Variants in CCDC7 observed in about 807,000 individuals in gnomAD.
CCDC7 encodes coiled-coil domain-containing protein 7.
CCDC7 carries 183 observed loss-of-function variants against 196.9 expected under a neutral mutation model. The observed-to-expected ratio is 0.93, with a 90% CI of 0.82 to 1.05. CCDC7 has a LOEUF of 1.05. CCDC7 is among the 50% of genes least tolerant of loss of function. CCDC7 has a pLI of 0.00. For missense variants in CCDC7, 1,540 were observed against 1,482.2 expected (o/e 1.04, Z -0.64); for synonymous variants, 525 against 484.6 (o/e 1.08, Z -1.10).
chr10:32,516,046 T>C (rs966186662), intron 9 of CCDC7, among the ~76,000 whole-genome samples: 1 of 151,916 alleles, frequency 6.6e-6, no homozygotes, highest in Non-Finnish European at 1.5e-5. Context: ...ACTCTTGTGC[T>C]GCAAATGATA....
At chr10:32,689,271 A>G (rs578138890) in intron 23 of CCDC7, 108 bp downstream of exon 24, 6 of 662,508 alleles carry the variant, frequency 9.1e-6, no homozygotes, top group African/African-American at 7.4e-5. Flanking sequence ...AAATGTGAAT[A>G]CCCTACCATA....
exon 28 of CCDC7, chr10:32,729,451 A>C (rs2083587282): frequency 2.5e-6 from 3 of 1,201,764 alleles, no homozygotes; most frequent in Non-Finnish European, 3.6e-6. Flanking sequence ...AGTAACTTCA[A>C]GAAAAAGTAA....
chr10:32,739,946 T>G (rs1010339153), intron 28 of CCDC7, among the ~76,000 whole-genome samples: 1 of 152,098 alleles, frequency 6.6e-6, no homozygotes, highest in Non-Finnish European at 1.5e-5. Flanking sequence ...GCTATTATTA[T>G]GCAGGAGCCT....
At chr10:32,597,216 T>C (rs2060475695) in intron 18 of CCDC7, among the ~76,000 whole-genome samples, 1 of 152,212 alleles carries the variant, frequency 6.6e-6, no homozygotes, top group Non-Finnish European at 1.5e-5. Flanking sequence ...GGAGGCTTTG[T>C]TCATTTCTTT....
intron 21 of CCDC7, among the ~76,000 whole-genome samples, chr10:32,672,659 G>T (rs192522050): frequency 6.6e-6 from 1 of 152,266 alleles, no homozygotes; most frequent in Non-Finnish European, 1.5e-5. Context: ...GGGTGGATCA[G>T]GCCGTTGGGA....
chr10:32,461,709 G>GTGTGTA (rs1471520620), intron 3 of CCDC7, among the ~76,000 whole-genome samples: 5 of 57,476 alleles, frequency 8.7e-5, no homozygotes, highest in Non-Finnish European at 9.7e-5. Flanking sequence ...GTGTGTGTGT[G>GTGTGTA]TATATATATA....
At chr10:32,459,645 C>CTTTTTTT (rs2035162956) in intron 3 of CCDC7, among the ~76,000 whole-genome samples, 1 of 40,808 alleles carries the variant, frequency 2.5e-5, no homozygotes, top group East Asian at 7.6e-4. Context: ...CCCTGCTGCA[C>CTTTTTTT]ATTTTTTTTT....
intron 18 of CCDC7, among the ~76,000 whole-genome samples, chr10:32,619,066 A>AT (rs144026554): frequency 0.013 from 1,999 of 151,628 alleles, 48 homozygotes; most frequent in African/African-American, 0.045. Flanking sequence ...TCCTTCAATG[A>AT]TTTTTTTTGT....
At chr10:32,462,947 A>G (rs1221681778) in intron 4 of CCDC7, 70 bp from the exon 6 acceptor site, 1 of 1,591,302 alleles carries the variant, frequency 6.3e-7, no homozygotes, top group Non-Finnish European at 8.6e-7. Flanking sequence ...ATTTATATAG[A>G]TATTTATTTC....
intron 16 of CCDC7, among the ~76,000 whole-genome samples, chr10:32,575,747 G>A (rs2058111774): frequency 6.6e-6 from 1 of 152,094 alleles, no homozygotes; most frequent in Admixed American, 6.5e-5. Flanking sequence ...GAGAATCACC[G>A]GGACCATCCG....
chr10:32,576,050 T>C (rs1459583470), intron 16 of CCDC7, among the ~76,000 whole-genome samples: 2 of 152,274 alleles, frequency 1.3e-5, no homozygotes, highest in Non-Finnish European at 2.9e-5. Flanking sequence ...TCACCTCCCT[T>C]GAACATCCAT....
rs573494019 is a variant in CCDC7 at position 32,646,544 on chromosome 10, T to C, written c.2014+11386T>C. On this transcript the variant is annotated intron_variant, in intron 20 of 41. Coordinates refer to ENST00000639629, the Ensembl canonical transcript of CCDC7. ...AAATGTCTGTTAGGTTCATTTTGTC[T>C]AGAATGCAGTTTAAATTAAGTGTAT... Among the ~76,000 whole-genome samples, 4 of 152,352 alleles carry C rather than the reference T, an allele frequency of 2.6e-5. No homozygotes were observed. In the East Asian group the frequency reaches 7.7e-4, roughly 29 times the overall value.
intron 9 of CCDC7, among the ~76,000 whole-genome samples, chr10:32,496,852 C>CT (rs1337153238): frequency 6.6e-6 from 1 of 152,006 alleles, no homozygotes; most frequent in East Asian, 1.9e-4. Flanking sequence ...TTAAAATTTT[C>CT]TTTTTTTGTT....
chr10:32,471,341 A>T, intron 6 of CCDC7, 111 bp downstream of exon 7: 3 of 1,291,666 alleles, frequency 2.3e-6, no homozygotes, highest in East Asian at 2.7e-5. Context: ...AGAGCTTCTT[A>T]GTCAAATCAG....
chr10:32,640,306 T>A (rs1050357817), intron 20 of CCDC7, among the ~76,000 whole-genome samples: 16 of 152,226 alleles, frequency 1.1e-4, no homozygotes, highest in Middle Eastern at 3.2e-3. Context: ...TGGCTTTCTT[T>A]GTCTCTTTTG....
intron 15 of CCDC7, 114 bp downstream of exon 16, chr10:32,568,005 G>GT (rs1554854214): frequency 1.3e-5 from 9 of 706,704 alleles, no homozygotes; most frequent in Non-Finnish European, 1.5e-5. Context: ...TCTGTTTTTG[G>GT]GTTTTTTTTT....
chr10:32,566,003 T>C (rs1226803687), intron 14 of CCDC7, among the ~76,000 whole-genome samples: 2 of 152,168 alleles, frequency 1.3e-5, no homozygotes, highest in Non-Finnish European at 2.9e-5. Flanking sequence ...AGATGTTGAC[T>C]CTTACTACTC....
chr10:32,681,782 CACAG>C (rs2075893890), intron 21 of CCDC7, among the ~76,000 whole-genome samples: 1 of 146,936 alleles, frequency 6.8e-6, no homozygotes, highest in South Asian at 2.2e-4. Context: ...CACACACACA[CACAG>C]CTTCATACAC....
intron 18 of CCDC7, among the ~76,000 whole-genome samples, chr10:32,618,781 A>G (rs1201124398): frequency 6.6e-6 from 1 of 152,032 alleles, no homozygotes; most frequent in Non-Finnish European, 1.5e-5. Flanking sequence ...TTCTTTTTGC[A>G]ATGTATTTGC....
Sources: gnomAD v4.1 joint callset for allele counts (sites outside exome capture counted in the v4.1 genomes callset) on GRCh38, gnomAD v4.1.1 for gene constraint, MANE v1.5 for transcripts, NCBI Gene and HGNC (gene_info 2026-07-23, HGNC 2026-07-21) for gene names.